The following NKAIN3 variants were observed in gnomAD, a reference collection of about 807,000 sequenced individuals.
NKAIN3 encodes sodium/potassium transporting ATPase interacting 3, also known as sodium/potassium-transporting ATPase subunit beta-1-interacting protein 3.
A neutral mutation model predicts 30.2 loss-of-function variants in NKAIN3; 25 were observed. The observed-to-expected ratio is 0.83, with a 90% confidence interval of 0.60 to 1.16. The LOEUF (loss-of-function observed/expected upper bound fraction) is 1.16. Among genes scored for constraint, NKAIN3 ranks in the 50% most tolerant of loss-of-function variants. NKAIN3 has a pLI of 0.00. For synonymous variants in NKAIN3, 91 were observed against 89.6 expected, an observed-to-expected ratio of 1.02 and a Z score of -0.09; for missense variants, 225 against 254.1, an observed-to-expected ratio of 0.89 and a Z score of 0.78.
At chr8:62,795,637 G>A (rs541643119) in intron 4 of NKAIN3, among the ~76,000 whole-genome samples, 1 of 152,188 alleles carries the variant, frequency 6.6e-6, no homozygotes, top group African/African-American at 2.4e-5. Flanking sequence ...AAGAGAATTA[G>A]TAACAATAAT....
At chr8:62,314,983 C>A (rs1018239470) in intron 1 of NKAIN3, among the ~76,000 whole-genome samples, 14 of 152,068 alleles carry the variant, frequency 9.2e-5, no homozygotes, top group African/African-American at 3.4e-4. Context: ...TTATTTCCAC[C>A]AGCTGTGCTC....
intron 4 of NKAIN3, among the ~76,000 whole-genome samples, chr8:62,764,755 G>C (rs1486626196): frequency 6.6e-6 from 1 of 152,162 alleles, no homozygotes; most frequent in Non-Finnish European, 1.5e-5. Context: ...AATTTCGTCT[G>C]CTTGACAATG....
chr8:62,800,391 C>T (rs1818016393), intron 4 of NKAIN3, among the ~76,000 whole-genome samples: 2 of 152,048 alleles, frequency 1.3e-5, no homozygotes, highest in Non-Finnish European at 2.9e-5. Context: ...TGGAGTAAGA[C>T]CAAAGACCAA....
chr8:62,959,911 CT>C (rs1260994514), intron 6 of NKAIN3, among the ~76,000 whole-genome samples: 4 of 152,194 alleles, frequency 2.6e-5, no homozygotes, highest in Non-Finnish European at 5.9e-5. Flanking sequence ...GATGGGCTTC[CT>C]TGTGTGCCTG....
At chr8:62,619,409 C>T (rs1040504010) in intron 3 of NKAIN3, among the ~76,000 whole-genome samples, 1 of 152,178 alleles carries the variant, frequency 6.6e-6, no homozygotes, top group Non-Finnish European at 1.5e-5. Flanking sequence ...CTAATCATAA[C>T]CCAGACATTC....
At chr8:62,957,364 G>A (rs901668782) in intron 6 of NKAIN3, among the ~76,000 whole-genome samples, 3 of 152,154 alleles carry the variant, frequency 2.0e-5, no homozygotes, top group Non-Finnish European at 4.4e-5. Context: ...TCGATCTCCT[G>A]ACCTTGTGAT....
Position 62,716,608 on chromosome 8 carries a change from CTTTATTT to C in NKAIN3, c.274-30321_274-30315del, listed in dbSNP as rs1369617516. On this transcript the variant is annotated intron_variant, in intron 3 of 6. Transcript: ENST00000623646. ...AATGGGCCATTATATCCTTTTTGTT[CTTTATTT>C]TTAAAGTAGGTTAAAAAATACATGA... Among the ~76,000 whole-genome samples, 6 of 151,972 alleles carry C rather than the reference CTTTATTT, an allele frequency of 3.9e-5. No homozygotes were observed. The East Asian group carries it at 1.2e-3, about 29-fold the overall frequency.
intron 1 of NKAIN3, among the ~76,000 whole-genome samples, chr8:62,329,660 G>T (rs548933878): frequency 1.3e-5 from 2 of 152,086 alleles, no homozygotes; most frequent in Non-Finnish European, 2.9e-5. Flanking sequence ...GTACTGCAAA[G>T]GGCATGATTT....
At chr8:62,465,241 T>G (rs758745536) in intron 1 of NKAIN3, among the ~76,000 whole-genome samples, 64 of 152,316 alleles carry the variant, frequency 4.2e-4, no homozygotes, top group Admixed American at 1.3e-3. Flanking sequence ...TATACCATAA[T>G]TGTAAGATGC....
chr8:62,938,691 G>A (rs57663560), intron 5 of NKAIN3, among the ~76,000 whole-genome samples: 10,734 of 152,174 alleles, frequency 0.071, 376 homozygotes, highest in South Asian at 0.13. Context: ...CCACCCCTAC[G>A]GGAAGAGGGG....
intron 1 of NKAIN3, among the ~76,000 whole-genome samples, chr8:62,299,693 C>T (rs1813975460): frequency 6.6e-6 from 1 of 151,952 alleles, no homozygotes; most frequent in Non-Finnish European, 1.5e-5. Flanking sequence ...TGTATTACCC[C>T]AAATTTTTCT....
At chr8:62,564,676 T>C (rs954516577) in intron 1 of NKAIN3, among the ~76,000 whole-genome samples, 3 of 152,118 alleles carry the variant, frequency 2.0e-5, no homozygotes, top group Non-Finnish European at 4.4e-5. Context: ...TATAATAAAA[T>C]AGAACAGAAC....
In NKAIN3 at chr8:62,890,399, A is replaced by T. The variant is rs551758270; in HGVS notation, c.472-28054A>T. ...GATATGTCATACAGGTACTTTCCTC[A>T]TTCAAGCCCACTGCCTACATGCAGG... is the stretch of plus-strand genomic sequence containing the variant. On this transcript the variant is annotated intron_variant, in intron 4 of 6. Coordinates refer to ENST00000623646, the MANE Select transcript of NKAIN3 (RefSeq NM_001304533.3). Among the ~76,000 whole-genome samples the T allele has an allele frequency of 2.0e-5, 3 of 152,332 alleles. No individual in the cohort carries two copies. The East Asian group carries it at 5.8e-4, about 29-fold the overall frequency.
At chr8:62,565,070 T>C in intron 1 of NKAIN3, among the ~76,000 whole-genome samples, 2 of 152,260 alleles carry the variant, frequency 1.3e-5, no homozygotes, top group Admixed American at 1.3e-4. Context: ...AAATTTCATG[T>C]TATTAACTAA....
At chr8:62,526,753 C>T (rs1419142096) in intron 1 of NKAIN3, among the ~76,000 whole-genome samples, 5 of 152,104 alleles carry the variant, frequency 3.3e-5, no homozygotes, top group Non-Finnish European at 1.5e-5. Context: ...GCCCTTCCTA[C>T]GGATACTTGG....
rs12680376 is a variant in NKAIN3 at position 62,502,712 on chromosome 8, A to G, written c.55-76827A>G. On this transcript the variant is annotated intron_variant, in intron 1 of 6. Coordinates refer to ENST00000623646, the MANE Select transcript of NKAIN3 (RefSeq NM_001304533.3). ...TCAGATGATTTGAAATTTGTATTGT[A>G]TATACCAGTTATTTTCCTAGGCTCC... Among the ~76,000 whole-genome samples the G allele has an allele frequency of 5.6e-4, 86 of 152,260 alleles. No homozygotes were observed. In the East Asian group the frequency reaches 0.014, roughly 25 times the overall value.
At chr8:62,419,652 T>C (rs1327265080) in intron 1 of NKAIN3, among the ~76,000 whole-genome samples, 1 of 152,160 alleles carries the variant, frequency 6.6e-6, no homozygotes, top group Non-Finnish European at 1.5e-5. Flanking sequence ...GAAATTTCTG[T>C]CTGCTCTCAT....
intron 4 of NKAIN3, among the ~76,000 whole-genome samples, chr8:62,913,335 A>G (rs1821981295): frequency 6.6e-6 from 1 of 152,242 alleles, no homozygotes; most frequent in Admixed American, 6.5e-5. Context: ...TAGCACAAAT[A>G]TGTGAGTGTT....
At chr8:62,335,446 A>G (rs1047423911) in intron 1 of NKAIN3, among the ~76,000 whole-genome samples, 1 of 151,406 alleles carries the variant, frequency 6.6e-6, no homozygotes, top group East Asian at 1.9e-4. Context: ...AAAAAAAAAA[A>G]AAAAAGAAAG....
Sources: gnomAD v4.1 joint callset for allele counts (sites outside exome capture counted in the v4.1 genomes callset) on GRCh38, gnomAD v4.1.1 for gene constraint, MANE v1.5 for transcripts, NCBI Gene and HGNC (gene_info 2026-07-23, HGNC 2026-07-21) for gene names.